The following CLASP1 variants were observed in gnomAD, a reference collection of about 807,000 sequenced individuals.
CLASP1 encodes the protein cytoplasmic linker associated protein 1, also known as CLIP-associating protein 1.
A neutral mutation model predicts 192.3 loss-of-function variants in CLASP1; 38 were observed. That is an observed-to-expected ratio of 0.20 (90% CI 0.15 to 0.26). The LOEUF (loss-of-function observed/expected upper bound fraction) is 0.26, where lower values mean the gene tolerates loss of function less well. Among genes scored for constraint, CLASP1 ranks in the 10% least tolerant of loss-of-function variants. The pLI is 1.00. For synonymous variants in CLASP1, 691 were observed against 712.8 expected, an observed-to-expected ratio of 0.97 and a Z score of 0.49; for missense variants, 1,433 against 1,932.5, an observed-to-expected ratio of 0.74 and a Z score of 4.85.
intron 1 of CLASP1, among the ~76,000 whole-genome samples, chr2:121,620,618 G>A (rs778526584): frequency 3.3e-5 from 5 of 152,154 alleles, no homozygotes; most frequent in Admixed American, 2.0e-4. Context: ...AAAGTGCTGG[G>A]ATTACAGGCA....
chr2:121,638,153 C>T (rs1420078081), intron 1 of CLASP1, among the ~76,000 whole-genome samples: 1 of 151,902 alleles, frequency 6.6e-6, no homozygotes. Flanking sequence ...AAGAAACAGA[C>T]TTGAACAGAC....
At chr2:121,530,504 C>T (rs1018932749) in intron 2 of CLASP1, 179 bp from the exon 3 acceptor site, 3 of 585,852 alleles carry the variant, frequency 5.1e-6, no homozygotes, top group Non-Finnish European at 9.3e-6. Flanking sequence ...ACAAAAAGAG[C>T]TATGTACAGC....
intron 19 of CLASP1, 94 bp downstream of exon 19, chr2:121,447,243 T>G: frequency 1.7e-6 from 2 of 1,164,052 alleles, no homozygotes; most frequent in Non-Finnish European, 2.4e-6. Flanking sequence ...ACAGTGAGAC[T>G]TGCCTCAATC....
rs948637702 is a variant in CLASP1 at position 121,401,680 on chromosome 2, C to T, written c.2737-8G>A. On this transcript the variant is annotated splice_polypyrimidine_tract_variant and splice_region_variant and intron_variant, in intron 27 of 39. Coordinates refer to ENST00000263710, the Ensembl canonical transcript of CLASP1. ...CAAAAACATACTGAAAACCTAGACA[C>T]AAATGAAAACCAAGTAGTTCACATA... The T allele has an allele frequency of 3.1e-6, 5 of 1,604,062 alleles. No individual in the cohort carries two copies. The highest frequency in any genetic ancestry group is 1.3e-5 in the African/African-American group (1 of 74,458).
Position 121,435,685 on chromosome 2 carries a change from AAAT to A in CLASP1, c.1913-5511_1913-5509del, listed in dbSNP as rs2082179088. Among the ~76,000 whole-genome samples the A allele has an allele frequency of 3.9e-5, 6 of 152,224 alleles. No homozygotes were observed. In the South Asian group the frequency reaches 1.2e-3, roughly 31 times the overall value. On this transcript the variant is annotated intron_variant, in intron 19 of 39. Transcript: ENST00000263710. Reference sequence around the variant, plus strand: ...TTTTTAAAGATGCTTTACTATCTTTAAATAATATTATGAAAAACGCAGCCATTA... The same window carrying A: ...TTTTTAAAGATGCTTTACTATCTTTAAATATTATGAAAAACGCAGCCATTA...
At chr2:121,574,188 T>C (rs1173688071) in intron 2 of CLASP1, among the ~76,000 whole-genome samples, 1 of 151,412 alleles carries the variant, frequency 6.6e-6, no homozygotes, top group East Asian at 1.9e-4. Flanking sequence ...ATTAGCTGGG[T>C]GTGTTGGCGG....
chr2:121,566,953 C>T (rs536787061), intron 2 of CLASP1, among the ~76,000 whole-genome samples: 1 of 152,308 alleles, frequency 6.6e-6, no homozygotes, highest in African/African-American at 2.4e-5. Context: ...GTGGCCTTCA[C>T]GCCCTCTGAG....
At chr2:121,404,795 C>T (rs1395989309) in intron 25 of CLASP1, among the ~76,000 whole-genome samples, 2 of 152,216 alleles carry the variant, frequency 1.3e-5, no homozygotes, top group African/African-American at 4.8e-5. Flanking sequence ...TTTACTCAAG[C>T]TAACACATCT....
intron 8 of CLASP1, among the ~76,000 whole-genome samples, chr2:121,499,194 T>C (rs540662657): frequency 6.6e-6 from 1 of 152,284 alleles, no homozygotes; most frequent in South Asian, 2.1e-4. Flanking sequence ...AACAGACGGA[T>C]AAAGAAAATG....
chr2:121,617,945 C>T (rs950816159), intron 1 of CLASP1, among the ~76,000 whole-genome samples: 3 of 152,176 alleles, frequency 2.0e-5, no homozygotes, highest in Non-Finnish European at 4.4e-5. Flanking sequence ...AGGGCTTTTG[C>T]TTATGTTGTT....
chr2:121,560,748 C>T (rs893848384), intron 2 of CLASP1, among the ~76,000 whole-genome samples: 3 of 152,274 alleles, frequency 2.0e-5, no homozygotes, highest in Admixed American at 6.5e-5. Context: ...CTTTTGTGTA[C>T]GTTTCACAAT....
At chr2:121,399,943 T>C (rs547788674) in intron 28 of CLASP1, among the ~76,000 whole-genome samples, 30 of 152,146 alleles carry the variant, frequency 2.0e-4, no homozygotes, top group Non-Finnish European at 2.9e-4. Flanking sequence ...ATTTCTGACC[T>C]TTCTTGAAAA....
chr2:121,532,887 T>TA (rs1454497474), intron 2 of CLASP1, among the ~76,000 whole-genome samples: 16 of 152,238 alleles, frequency 1.1e-4, no homozygotes, highest in African/African-American at 3.9e-4. Flanking sequence ...GTTTATTTTT[T>TA]AAAAAGAACA....
At chr2:121,636,763 AC>A (rs1436921330) in intron 1 of CLASP1, among the ~76,000 whole-genome samples, 1 of 152,160 alleles carries the variant, frequency 6.6e-6, no homozygotes, top group Non-Finnish European at 1.5e-5. Context: ...TTACCCAAAT[AC>A]CATGTGTCAC....
intron 2 of CLASP1, among the ~76,000 whole-genome samples, chr2:121,589,630 C>CAA (rs1280970890): frequency 2.5e-4 from 16 of 64,202 alleles, no homozygotes; most frequent in Non-Finnish European, 2.7e-4. Flanking sequence ...AACTCTGTCT[C>CAA]AAAAAAAAAA....
chr2:121,638,701 C>T (rs1377298700), intron 1 of CLASP1, among the ~76,000 whole-genome samples: 7 of 148,342 alleles, frequency 4.7e-5, no homozygotes, highest in African/African-American at 1.7e-4. Context: ...GAGTTTTGCT[C>T]TTTTTGCCGA....
intron 2 of CLASP1, among the ~76,000 whole-genome samples, chr2:121,573,919 C>CA (rs1238191207): frequency 6.6e-6 from 1 of 152,202 alleles, no homozygotes; most frequent in Non-Finnish European, 1.5e-5. Context: ...AGACCAGCAA[C>CA]AAAAACGTAA....
At chr2:121,433,185 G>A (rs758757379) in intron 19 of CLASP1, among the ~76,000 whole-genome samples, 1 of 152,074 alleles carries the variant, frequency 6.6e-6, no homozygotes, top group African/African-American at 2.4e-5. Flanking sequence ...AGCTGGGCAT[G>A]GTGGCGCATG....
At chr2:121,344,309 G>T (rs2063166207) in intron 39 of CLASP1, among the ~76,000 whole-genome samples, 1 of 151,582 alleles carries the variant, frequency 6.6e-6, no homozygotes, top group African/African-American at 2.4e-5. Context: ...TCTCTTCCTG[G>T]TATCACTTAT....
Sources: gnomAD v4.1 joint callset for allele counts (sites outside exome capture counted in the v4.1 genomes callset) on GRCh38, gnomAD v4.1.1 for gene constraint, MANE v1.5 for transcripts, NCBI Gene and HGNC (gene_info 2026-07-23, HGNC 2026-07-21) for gene names.